Variants in PBX3 observed in about 807,000 individuals in gnomAD.
PBX3 encodes the protein PBX homeobox 3.
A neutral mutation model predicts 48.5 loss-of-function variants in PBX3; 14 were observed. The observed-to-expected ratio is 0.29, with a 90% CI of 0.19 to 0.45. The LOEUF (loss-of-function observed/expected upper bound fraction) is 0.45. Ranked by LOEUF, PBX3 falls within the 20% of genes least tolerant of loss-of-function variation. PBX3 has a pLI of 1.00. For synonymous variants in PBX3, 210 were observed against 200.3 expected (o/e 1.05, Z -0.41); for missense variants, 386 against 546.7 (o/e 0.71, Z 2.93).
At chr9:125,902,910 T>C (rs758282968) in intron 2 of PBX3, among the ~76,000 whole-genome samples, 2 of 151,812 alleles carry the variant, frequency 1.3e-5, no homozygotes, top group Non-Finnish European at 2.9e-5. Flanking sequence ...ACATAAATTA[T>C]AAATTAAATT....
intron 4 of PBX3, 23 bp from the exon 5 acceptor site, chr9:125,935,449 A>G (rs900694007): frequency 2.5e-6 from 4 of 1,611,424 alleles, no homozygotes; most frequent in Non-Finnish European, 3.4e-6. Flanking sequence ...AACTGCAATT[A>G]TTTTCTTTCA....
At chr9:125,877,073 A>T (rs1393631450) in intron 2 of PBX3, among the ~76,000 whole-genome samples, 1 of 152,150 alleles carries the variant, frequency 6.6e-6, no homozygotes, top group Non-Finnish European at 1.5e-5. Flanking sequence ...TGCCGGGCAC[A>T]TGTATGTCTT....
intron 2 of PBX3, among the ~76,000 whole-genome samples, chr9:125,805,794 C>T (rs768608633): frequency 5.3e-5 from 8 of 152,050 alleles, no homozygotes; most frequent in Non-Finnish European, 8.8e-5. Flanking sequence ...TGATGAATTC[C>T]ATTTTGAGCA....
At position 125,833,345 on chromosome 9, in the gene PBX3, G is replaced by A. The variant is rs143003660; in HGVS notation, c.275-82341G>A. ...CTAAAAATAGAAAAATTAGCTGGGC[G>A]TGGTGGTGCACACCTGTAGTCCCAG... is the stretch of plus-strand genomic sequence containing the variant. On this transcript the variant is annotated intron_variant, in intron 2 of 8. Coordinates refer to ENST00000373489, the MANE Select transcript of PBX3 (RefSeq NM_006195.6). Among the ~76,000 whole-genome samples, 524 of 152,136 alleles carry A rather than the reference G, an allele frequency of 3.4e-3. 2 individuals carry two copies. The highest frequency in any genetic ancestry group is 0.011 in the African/African-American group (472 of 41,482).
intron 2 of PBX3, among the ~76,000 whole-genome samples, chr9:125,861,802 G>T (rs571968714): frequency 1.3e-5 from 2 of 152,324 alleles, no homozygotes; most frequent in Middle Eastern, 3.4e-3. Context: ...ATTAGTGGTT[G>T]CCAGGGACTG....
chr9:125,915,646 C>T (rs760047607), intron 2 of PBX3, 40 bp from the exon 3 acceptor site: 7 of 1,503,860 alleles, frequency 4.7e-6, no homozygotes, highest in Non-Finnish European at 5.4e-6. Context: ...CTCTGTTTCT[C>T]GCTTCTTCTC....
At chr9:125,894,660 T>C (rs1840727614) in intron 2 of PBX3, among the ~76,000 whole-genome samples, 1 of 152,136 alleles carries the variant, frequency 6.6e-6, no homozygotes, top group South Asian at 2.1e-4. Context: ...TGTGGGTGTT[T>C]TGTTTACATT....
chr9:125,908,842 G>T (rs572791283), intron 2 of PBX3, among the ~76,000 whole-genome samples: 3 of 152,018 alleles, frequency 2.0e-5, no homozygotes, highest in Admixed American at 2.0e-4. Context: ...TATCCCTTTG[G>T]ATAAAAAGAA....
At chr9:125,912,174 A>G (rs1035839981) in intron 2 of PBX3, among the ~76,000 whole-genome samples, 2 of 152,186 alleles carry the variant, frequency 1.3e-5, no homozygotes, top group African/African-American at 4.8e-5. Context: ...TAGCCAATGC[A>G]GATTTCTAAT....
At chr9:125,842,003 G>A (rs1839301624) in intron 2 of PBX3, among the ~76,000 whole-genome samples, 1 of 151,646 alleles carries the variant, frequency 6.6e-6, no homozygotes, top group Admixed American at 6.6e-5. Context: ...ATGATTTTAT[G>A]AGACATTTAT....
intron 8 of PBX3, among the ~76,000 whole-genome samples, chr9:125,963,760 A>G (rs932735046): frequency 1.3e-5 from 2 of 152,050 alleles, no homozygotes; most frequent in African/African-American, 4.8e-5. Flanking sequence ...TAGACTTAGG[A>G]AGGAAATTAA....
intron 2 of PBX3, among the ~76,000 whole-genome samples, chr9:125,811,518 A>G (rs1475524801): frequency 1.3e-5 from 2 of 152,176 alleles, no homozygotes; most frequent in African/African-American, 2.4e-5. Context: ...CTTGGCTGTC[A>G]TTCTCTGTCT....
At chr9:125,867,881 GT>G (rs149053865) in intron 2 of PBX3, among the ~76,000 whole-genome samples, 6,067 of 150,464 alleles carry the variant, frequency 0.04, 299 homozygotes, top group East Asian at 0.17. Flanking sequence ...CTTTTGTTTT[GT>G]TTTTTTGTTT....
At chr9:125,960,947 A>ACTCC in intron 6 of PBX3, 98 bp downstream of exon 6, 3 of 1,227,842 alleles carry the variant, frequency 2.4e-6, no homozygotes, top group Non-Finnish European at 3.4e-6. Flanking sequence ...CTGAGGACAG[A>ACTCC]GTGGACTTAA....
intron 5 of PBX3, among the ~76,000 whole-genome samples, chr9:125,950,888 G>A (rs983821402): frequency 2.0e-5 from 3 of 152,156 alleles, no homozygotes; most frequent in African/African-American, 7.2e-5. Flanking sequence ...TGAAAAGGTA[G>A]AATATAGGTT....
intron 2 of PBX3, among the ~76,000 whole-genome samples, chr9:125,870,522 A>G (rs1840096183): frequency 6.6e-6 from 1 of 152,178 alleles, no homozygotes; most frequent in African/African-American, 2.4e-5. Flanking sequence ...ATCTCATGAG[A>G]CTTATTTACT....
At chr9:125,765,714 C>A (rs1268475024) in intron 2 of PBX3, among the ~76,000 whole-genome samples, 2 of 152,074 alleles carry the variant, frequency 1.3e-5, no homozygotes, top group African/African-American at 4.8e-5. Flanking sequence ...CTTGTACTAC[C>A]ATTCCCAATT....
At chr9:125,884,232 A>G (rs1251818606) in intron 2 of PBX3, among the ~76,000 whole-genome samples, 1 of 152,202 alleles carries the variant, frequency 6.6e-6, no homozygotes, top group Non-Finnish European at 1.5e-5. Context: ...GTAGGACAAG[A>G]GTGCTCTGCA....
chr9:125,831,639 C>G (rs1336526372), intron 2 of PBX3, among the ~76,000 whole-genome samples: 2 of 152,016 alleles, frequency 1.3e-5, no homozygotes, highest in African/African-American at 4.8e-5. Flanking sequence ...CCTTAGTATC[C>G]TCCAGTGGTG....
Sources: allele counts gnomAD v4.1 joint callset (sites outside exome capture counted in the v4.1 genomes callset), GRCh38; gene constraint gnomAD v4.1.1; transcripts MANE v1.5; gene names NCBI Gene and HGNC (gene_info 2026-07-23, HGNC 2026-07-21).